MCPH1: variants seen among roughly 807,000 people sequenced by gnomAD.
MCPH1 encodes microcephalin.
Under a neutral mutation model 84.5 loss-of-function variants are expected in MCPH1, and 104 were observed. The observed-to-expected ratio is 1.23, with a 90% CI of 1.05 to 1.45. The LOEUF (loss-of-function observed/expected upper bound fraction) is 1.45. Ranked by LOEUF, MCPH1 falls within the 40% of genes most tolerant of loss-of-function variation. The pLI, the probability that MCPH1 is intolerant of heterozygous loss-of-function variation, is 0.00. For synonymous variants in MCPH1, 514 were observed against 366.8 expected (o/e 1.40, Z -4.58); for missense variants, 1,498 against 1,005.7 (o/e 1.49, Z -6.62).
intron 12 of MCPH1, among the ~76,000 whole-genome samples, chr8:6,536,970 A>C (rs1407319442): frequency 7.1e-6 from 1 of 141,334 alleles, no homozygotes; most frequent in East Asian, 2.0e-4. Context: ...GTCTTAGTAC[A>C]AGAAAAAAAA....
At chr8:6,619,252 T>C (rs929019296) in intron 12 of MCPH1, 3 of 152,222 alleles carry the variant, frequency 2.0e-5, no homozygotes, top group Non-Finnish European at 4.4e-5. Flanking sequence ...AAAAGCCCCT[T>C]TTTACTTTAT....
chr8:6,625,198 T>A (rs1441640915), intron 13 of MCPH1: 2 of 985,322 alleles, frequency 2.0e-6, no homozygotes, highest in Non-Finnish European at 2.4e-6. Flanking sequence ...TTCTGTGGAA[T>A]GCATTTACTT....
At chr8:6,554,437 G>A (rs1005429072) in intron 12 of MCPH1, among the ~76,000 whole-genome samples, 3 of 151,864 alleles carry the variant, frequency 2.0e-5, no homozygotes, top group Non-Finnish European at 2.9e-5. Flanking sequence ...ATGAGACATC[G>A]TCAACATGAT....
At position 6,472,378 on chromosome 8, in the gene MCPH1, T is replaced by G. The variant is rs529712838; in HGVS notation, c.1936-5216T>G. ...GTAACACATCAAATGGATCTCCTAA[T>G]TATTTCAAGCATCTGTTTTTTATTA... is the stretch of plus-strand genomic sequence containing the variant. On this transcript the variant is annotated intron_variant, in intron 9 of 13. Transcript: ENST00000344683. Among the ~76,000 whole-genome samples, 3 of 152,386 alleles carry G rather than the reference T, an allele frequency of 2.0e-5. No individual in the cohort carries two copies. In the East Asian group the frequency reaches 5.8e-4, roughly 29 times the overall value.
intron 12 of MCPH1, among the ~76,000 whole-genome samples, chr8:6,576,028 C>G (rs900453117): frequency 1.4e-5 from 2 of 139,678 alleles, no homozygotes; most frequent in African/African-American, 5.4e-5. Context: ...TACAACAACC[C>G]TAGCAAACTA....
At chr8:6,619,211 A>G (rs1831161625) in intron 12 of MCPH1, 1 of 152,242 alleles carries the variant, frequency 6.6e-6, no homozygotes, top group Non-Finnish European at 1.5e-5. Flanking sequence ...TTCTGCCAAT[A>G]AAGAAGACAC....
rs767462360 is a variant in MCPH1 at position 6,519,882 on chromosome 8, A to T, written c.2214+19953A>T. 1.4e-4 allele frequency: 230 copies of T among 1,614,090 alleles called. 2 individuals carry two copies. In the South Asian group the frequency reaches 1.9e-3, roughly 13 times the overall value. On this transcript the variant is annotated intron_variant, in intron 12 of 13. Transcript: ENST00000344683. The stretch of plus-strand genomic sequence containing the variant: ...ACCTCACCTTGATCTCTTCTGTAGA[A>T]TTAGGGAATGTTAACGTGTAGATGC...
chr8:6,592,663 T>G (rs901793309), intron 12 of MCPH1, among the ~76,000 whole-genome samples: 5 of 148,388 alleles, frequency 3.4e-5, no homozygotes, highest in South Asian at 2.2e-4. Flanking sequence ...GTTGTTTGTT[T>G]GTTTTAATTG....
chr8:6,619,923 C>A (rs971490850), intron 12 of MCPH1, among the ~76,000 whole-genome samples: 2 of 152,272 alleles, frequency 1.3e-5, no homozygotes, highest in East Asian at 1.9e-4. Flanking sequence ...TATGTGTGTC[C>A]TACTTTAAAA....
chr8:6,558,820 G>A (rs1260444534), intron 12 of MCPH1, among the ~76,000 whole-genome samples: 1 of 151,870 alleles, frequency 6.6e-6, no homozygotes, highest in Non-Finnish European at 1.5e-5. Flanking sequence ...TATGATATAT[G>A]TATAATATAT....
At chr8:6,557,718 C>T (rs1325296899) in intron 12 of MCPH1, among the ~76,000 whole-genome samples, 7 of 150,938 alleles carry the variant, frequency 4.6e-5, no homozygotes, top group Non-Finnish European at 1.0e-4. Flanking sequence ...CACACACATA[C>T]ATATATACAG....
At chr8:6,641,221 T>C (rs1586904376) in intron 13 of MCPH1, among the ~76,000 whole-genome samples, 1 of 152,226 alleles carries the variant, frequency 6.6e-6, no homozygotes, top group East Asian at 1.9e-4. Flanking sequence ...CATTTTTTTA[T>C]GATTTTTCAA....
intron 12 of MCPH1, among the ~76,000 whole-genome samples, chr8:6,544,801 C>G (rs1822255501): frequency 6.6e-6 from 1 of 152,170 alleles, no homozygotes; most frequent in Non-Finnish European, 1.5e-5. Flanking sequence ...TGACTTGAAT[C>G]TATAACATCT....
chr8:6,528,330 A>G (rs938121219), intron 12 of MCPH1, among the ~76,000 whole-genome samples: 5 of 152,236 alleles, frequency 3.3e-5, no homozygotes, highest in South Asian at 2.1e-4. Flanking sequence ...AAATGGTCAT[A>G]TTTCATAGGT....
chr8:6,502,844 G>C (rs898091946), intron 12 of MCPH1: 1 of 449,460 alleles, frequency 2.2e-6, no homozygotes, highest in Non-Finnish European at 4.0e-6. Flanking sequence ...CTGATTCTCA[G>C]CCTCGGGTTC....
intron 12 of MCPH1, among the ~76,000 whole-genome samples, chr8:6,531,128 G>A (rs1819427533): frequency 6.6e-6 from 1 of 151,964 alleles, no homozygotes. Context: ...CCTTGAGCTT[G>A]GAGCGTCTGC....
chr8:6,608,461 A>C (rs1328642302), intron 12 of MCPH1, among the ~76,000 whole-genome samples: 2 of 152,150 alleles, frequency 1.3e-5, no homozygotes, highest in African/African-American at 2.4e-5. Flanking sequence ...CCTAACCTTC[A>C]AGCTTGTTAG....
intron 12 of MCPH1, among the ~76,000 whole-genome samples, chr8:6,583,705 T>C (rs1827747788): frequency 6.6e-6 from 1 of 152,106 alleles, no homozygotes. Context: ...TCCCCACGTC[T>C]TATAAATAGT....
intron 12 of MCPH1, among the ~76,000 whole-genome samples, chr8:6,578,931 GT>G (rs1252854281): frequency 2.0e-5 from 3 of 152,184 alleles, no homozygotes; most frequent in Admixed American, 6.5e-5. Flanking sequence ...CAGAGTTCAT[GT>G]TTTTCGTTCA....
Sources: allele counts gnomAD v4.1 joint callset (sites outside exome capture counted in the v4.1 genomes callset), GRCh38; gene constraint gnomAD v4.1.1; transcripts MANE v1.5; gene names NCBI Gene and HGNC (gene_info 2026-07-23, HGNC 2026-07-21).